DNAH6: variants seen among roughly 807,000 people sequenced by gnomAD.
The protein encoded by DNAH6 is dynein axonemal heavy chain 6, also known as axonemal beta dynein heavy chain 6.
Under a neutral mutation model 491.4 loss-of-function variants are expected in DNAH6, and 340 were observed. That is an observed-to-expected ratio of 0.69 (90% confidence interval 0.63 to 0.76). The LOEUF is 0.76. Ranked by LOEUF, DNAH6 falls within the 30% of genes least tolerant of loss-of-function variation. DNAH6 has a pLI of 0.00. For missense variants in DNAH6, 4,443 were observed against 4,972.2 expected (o/e 0.89, Z 3.20); for synonymous variants, 1,603 against 1,686.1 (o/e 0.95, Z 1.21).
intron 48 of DNAH6, among the ~76,000 whole-genome samples, chr2:84,700,455 AAAAG>A (rs1444307904): frequency 2.6e-5 from 4 of 152,188 alleles, no homozygotes; most frequent in South Asian, 2.1e-4. Context: ...CTGAGAGTGA[AAAAG>A]AAAGACTAAG....
chr2:84,633,703 T>C (rs796951555), intron 29 of DNAH6, among the ~76,000 whole-genome samples: 6 of 152,122 alleles, frequency 3.9e-5, no homozygotes, highest in African/African-American at 1.4e-4. Flanking sequence ...CAGCTTTTTT[T>C]TTTTCAAAAC....
At chr2:84,527,852 A>G (rs1037106245) in intron 3 of DNAH6, among the ~76,000 whole-genome samples, 1 of 152,230 alleles carries the variant, frequency 6.6e-6, no homozygotes, top group African/African-American at 2.4e-5. Context: ...ACATCCCTGC[A>G]GAAATGGCAG....
At chr2:84,471,055 A>G in the DNAH6 span, among the ~76,000 whole-genome samples, 1 of 152,182 alleles carries the variant, frequency 6.6e-6, no homozygotes, top group Non-Finnish European at 1.5e-5. Context: ...CAATTGATCT[A>G]GGAGCCTGGG....
intron 4 of DNAH6, among the ~76,000 whole-genome samples, chr2:84,535,683 C>CAA (rs72518363): frequency 0.02 from 2,072 of 101,454 alleles, 32 homozygotes; most frequent in Middle Eastern, 0.13. Flanking sequence ...ACCAGAAAAG[C>CAA]AAAAAAAAAA....
chr2:84,762,754 G>T lies in DNAH6; in HGVS notation c.10513-1G>T. ...ACTTTTTTTTTCTTTTCAACTTTCA[G>T]GTGGTTTTTGCTCTTACAGACTTTG... is the stretch of plus-strand genomic sequence containing the variant. On this transcript the variant is annotated splice_acceptor_variant, in intron 63 of 76. Transcript: ENST00000389394. LOFTEE classifies it high-confidence loss of function. 6.5e-7 allele frequency: 1 copy of T among 1,536,226 alleles called. No individual in the cohort carries two copies. The highest frequency in any genetic ancestry group is 2.1e-5 in the Admixed American group (1 of 47,014).
At chr2:84,780,959 A>C (rs552590308) in intron 64 of DNAH6, among the ~76,000 whole-genome samples, 8 of 152,268 alleles carry the variant, frequency 5.3e-5, no homozygotes, top group Admixed American at 4.6e-4. Context: ...ATGGCATTAG[A>C]ATTCAAAATT....
upstream of DNAH6, among the ~76,000 whole-genome samples, chr2:84,515,556 A>G (rs1675532973): frequency 6.6e-6 from 1 of 152,260 alleles, no homozygotes; most frequent in African/African-American, 2.4e-5. Flanking sequence ...AATAATGTAA[A>G]GAACTTCACA....
chr2:84,776,757 G>A (rs931659667), intron 64 of DNAH6, among the ~76,000 whole-genome samples: 1 of 152,148 alleles, frequency 6.6e-6, no homozygotes, highest in African/African-American at 2.4e-5. Context: ...TATACCCAAA[G>A]GATTATAAAT....
intron 52 of DNAH6, 132 bp downstream of exon 52, chr2:84,705,879 G>T: frequency 8.7e-7 from 1 of 1,151,010 alleles, no homozygotes; most frequent in Non-Finnish European, 1.2e-6. Context: ...ATTAGCTTTT[G>T]TTTTAAACAA....
chr2:84,488,879 T>C, the DNAH6 span, among the ~76,000 whole-genome samples: 2 of 152,206 alleles, frequency 1.3e-5, no homozygotes, highest in Non-Finnish European at 2.9e-5. Context: ...CCAAACTTTA[T>C]TTGGGGTGAG....
At chr2:84,776,831 C>A (rs2105202416) in intron 64 of DNAH6, among the ~76,000 whole-genome samples, 1 of 152,332 alleles carries the variant, frequency 6.6e-6, no homozygotes, top group African/African-American at 2.4e-5. Flanking sequence ...ATAGCAAAGA[C>A]TTGGAACCAA....
At chr2:84,689,408 G>A (rs1558913511) in intron 45 of DNAH6, among the ~76,000 whole-genome samples, 2 of 152,084 alleles carry the variant, frequency 1.3e-5, no homozygotes, top group East Asian at 1.9e-4. Flanking sequence ...ACTGTTCTCT[G>A]AGCATCTCTC....
At position 84,677,136 on chromosome 2, in the gene DNAH6, G is replaced by A. The variant is rs891292801; in HGVS notation, c.6744G>A (p.Gln2248=). 5 of 1,551,510 alleles carry A rather than the reference G, an allele frequency of 3.2e-6. No homozygotes were observed. In the African/African-American group the frequency reaches 5.5e-5, roughly 17 times the overall value. The change falls in exon 41 of 77, where the codon CAG becomes CAA. Residue 2248 remains glutamine, a splice_region_variant and synonymous_variant. Coordinates refer to ENST00000389394, the MANE Select transcript of DNAH6 (RefSeq NM_001370.2). ...PSEHSLKQIF[Q]AILNGFLSDF... is the part of the protein sequence containing the mutation. The stretch of plus-strand genomic sequence containing the variant: ...AGCACAGTCTGAAACAGATTTTTCA[G>A]GTGAGTGTCGATTTTAACTTAGGCA...
chr2:84,814,060 G>A lies in DNAH6; in HGVS notation c.12088G>A (p.Ala4030Thr). ...CGTAATTCCCACCTATCGGGATCAA[G>A]CTGCAGTGATAGAAGCTGCCAAGAC... is the stretch of plus-strand genomic sequence containing the variant. The part of the protein sequence containing the change: ...YSVIPTYRDQ[A>T]AVIEAAKTVQ... The change falls in exon 75 of 77, where the codon GCT (alanine) becomes ACT (threonine). Residue 4030 changes from alanine (A) to threonine (T), a missense_variant. Physicochemically the swap from Ala to Thr is moderately conservative, Grantham distance 58. Transcript: ENST00000389394. 1.9e-6 allele frequency: 3 copies of A among 1,551,746 alleles called. No individual in the cohort carries two copies. The South Asian group carries it at 3.6e-5, about 18-fold the overall frequency.
chr2:84,588,889 C>G lies in DNAH6; in HGVS notation c.2545C>G (p.Gln849Glu). The G allele has an allele frequency of 6.4e-7, 1 of 1,550,602 alleles. No individual in the cohort carries two copies. The highest frequency in any genetic ancestry group is 1.2e-5 in the South Asian group (1 of 83,920). ...DKIRLILNNL[Q>E]SVLADLQKRA... is the part of the protein sequence containing the mutation. Reference sequence around the variant, plus strand: ...AATAAGGCTCATATTGAATAATCTGCAATCTGTTCTGGCTGATCTTCAGAA... The same window carrying G: ...AATAAGGCTCATATTGAATAATCTGGAATCTGTTCTGGCTGATCTTCAGAA... Residue 849 changes from glutamine to glutamate, a missense_variant, in exon 16 of 77, where the codon CAA becomes GAA. By Grantham distance (29) the Gln-to-Glu change is conservative. Coordinates refer to ENST00000389394, the MANE Select transcript of DNAH6 (RefSeq NM_001370.2).
At chr2:84,703,144 G>T (rs1376456304) in intron 49 of DNAH6, among the ~76,000 whole-genome samples, 1 of 152,212 alleles carries the variant, frequency 6.6e-6, no homozygotes, top group African/African-American at 2.4e-5. Context: ...GTGAGCCACA[G>T]CCCAGTGACG....
intron 56 of DNAH6, 139 bp from the exon 57 acceptor site, chr2:84,712,956 A>T (rs898057923): frequency 1.6e-5 from 11 of 704,116 alleles, no homozygotes; most frequent in African/African-American, 5.4e-5. Flanking sequence ...TAGTGTGAGG[A>T]TGTTAATAAA....
At chr2:84,618,479 G>T (rs886167232) in intron 23 of DNAH6, among the ~76,000 whole-genome samples, 1 of 152,000 alleles carries the variant, frequency 6.6e-6, no homozygotes, top group Non-Finnish European at 1.5e-5. Context: ...GCTTTTCCCT[G>T]ATGCAGGGAT....
chr2:84,699,272 C>T (rs1192286), intron 47 of DNAH6, among the ~76,000 whole-genome samples: 21,167 of 152,138 alleles, frequency 0.14, 2,190 homozygotes, highest in African/African-American at 0.29. Flanking sequence ...CTGCCCCTCT[C>T]TCCCAGATGT....
Sources: gnomAD v4.1 joint callset for allele counts (sites outside exome capture counted in the v4.1 genomes callset) on GRCh38, gnomAD v4.1.1 for gene constraint, MANE v1.5 for transcripts, NCBI Gene and HGNC (gene_info 2026-07-23, HGNC 2026-07-21) for gene names.